Variants in RRM1 observed in about 807,000 individuals in gnomAD.
The protein encoded by RRM1 is ribonucleoside-diphosphate reductase large subunit.
RRM1 carries 19 observed loss-of-function variants against 101.5 expected under a neutral mutation model. The ratio of observed to expected loss-of-function variants is 0.19; its 90% CI spans 0.13 to 0.27. RRM1 has a LOEUF of 0.27. RRM1 is among the 10% of genes least tolerant of loss of function. The pLI is 1.00. For synonymous variants in RRM1, 298 were observed against 323.4 expected (o/e 0.92, Z 0.84); for missense variants, 500 against 962.9 (o/e 0.52, Z 6.36).
At chr11:4,114,472 C>T (rs1208486052) in intron 7 of RRM1, among the ~76,000 whole-genome samples, 1 of 150,990 alleles carries the variant, frequency 6.6e-6, no homozygotes, top group Non-Finnish European at 1.5e-5. Flanking sequence ...ATTGCTTGAA[C>T]CTGGAAGGCG....
chr11:4,107,238 A>G (rs1368623245), intron 3 of RRM1, among the ~76,000 whole-genome samples, 197 bp from the exon 4 acceptor site: 2 of 152,256 alleles, frequency 1.3e-5, no homozygotes, highest in East Asian at 3.8e-4. Context: ...CTTTAACTCT[A>G]GAAGATTGTT....
chr11:4,122,592 G>T (rs536729427), intron 11 of RRM1, among the ~76,000 whole-genome samples: 6 of 152,148 alleles, frequency 3.9e-5, no homozygotes, highest in Non-Finnish European at 8.8e-5. Context: ...AATTAAATAG[G>T]TCAGGTGCAG....
At chr11:4,107,270 A>G (rs1209023583) in intron 3 of RRM1, among the ~76,000 whole-genome samples, 165 bp from the exon 4 acceptor site, 1 of 152,190 alleles carries the variant, frequency 6.6e-6, no homozygotes, top group Non-Finnish European at 1.5e-5. Flanking sequence ...GGCATTACAT[A>G]TTTCTTCAAC....
chr11:4,109,066 A>G (rs2094562037), intron 4 of RRM1, among the ~76,000 whole-genome samples: 1 of 152,148 alleles, frequency 6.6e-6, no homozygotes, highest in African/African-American at 2.4e-5. Flanking sequence ...TATGCTCTAA[A>G]ATCTTACTGT....
chr11:4,114,229 A>G (rs576753713), intron 7 of RRM1, among the ~76,000 whole-genome samples: 3 of 152,204 alleles, frequency 2.0e-5, no homozygotes, highest in South Asian at 2.1e-4. Context: ...GAAAATTGCT[A>G]TGGGTGAGTT....
intron 12 of RRM1, among the ~76,000 whole-genome samples, chr11:4,125,941 T>C (rs955185226): frequency 6.6e-6 from 1 of 152,238 alleles, no homozygotes; most frequent in Non-Finnish European, 1.5e-5. Context: ...GTGAGAGAAG[T>C]TAAGACTTTG....
intron 7 of RRM1, among the ~76,000 whole-genome samples, chr11:4,116,943 G>T (rs1252353636): frequency 6.6e-6 from 1 of 151,392 alleles, no homozygotes; most frequent in Non-Finnish European, 1.5e-5. Flanking sequence ...CTCCAGCCTG[G>T]GTAACAGAGT....
intron 12 of RRM1, among the ~76,000 whole-genome samples, chr11:4,124,696 T>G (rs572961465): frequency 6.6e-6 from 1 of 151,742 alleles, no homozygotes; most frequent in African/African-American, 2.4e-5. Flanking sequence ...GCAGAATTCC[T>G]TTTTTTTCGG....
At position 4,130,634 on chromosome 11, in the gene RRM1, T is replaced by C. The variant is rs531033335; in HGVS notation, c.1769+1484T>C. Among the ~76,000 whole-genome samples, 13 of 152,260 alleles carry C rather than the reference T, an allele frequency of 8.5e-5. No individual in the cohort carries two copies. The East Asian group carries it at 2.5e-3, about 29-fold the overall frequency. ...TCACTTGAACCTAGGAGGTGGAGAT[T>C]ACAGGGAGCCGAGATCATGCCACTG... On this transcript the variant is annotated intron_variant, in intron 15 of 18. Transcript: ENST00000300738.
intron 6 of RRM1, 74 bp downstream of exon 6, chr11:4,111,714 T>C (rs1052531119): frequency 7.4e-7 from 1 of 1,352,486 alleles, no homozygotes; most frequent in Admixed American, 2.0e-5. Flanking sequence ...GCTATAAGTC[T>C]TAATATTCTT....
chr11:4,101,554 T>TCCCCCC (rs1469439658), intron 1 of RRM1, among the ~76,000 whole-genome samples: 8 of 16,228 alleles, frequency 4.9e-4, no homozygotes, highest in Non-Finnish European at 9.2e-4. Context: ...CCTCCAGTGA[T>TCCCCCC]CCACACCCCC....
At chr11:4,112,373 T>G (rs11031000) in intron 7 of RRM1, among the ~76,000 whole-genome samples, 3,290 of 152,270 alleles carry the variant, frequency 0.022, 81 homozygotes, top group African/African-American at 0.064. Context: ...CCTTTTTTTT[T>G]TTGTTGTTGA....
rs149529783 is a variant in RRM1 at position 4,127,375 on chromosome 11, G to A, written c.1692+119G>A. The A allele has an allele frequency of 5.1e-6, 3 of 588,338 alleles. No individual in the cohort carries two copies. The African/African-American group carries it at 5.8e-5, about 11-fold the overall frequency. The allele number at this position is 588,338 out of a possible 1,614,324, so 36.4% of individuals were successfully genotyped here. On this transcript the variant is annotated intron_variant, in intron 14 of 18. Coordinates refer to ENST00000300738, the MANE Select transcript of RRM1 (RefSeq NM_001033.5). ...GGAACCTGTGAATTTAATTTCATTT[G>A]GTTCAAAAAAAGGTATTTTGCAGAT...
At chr11:4,095,149 C>G in intron 1 of RRM1, 118 bp downstream of exon 1, 1 of 1,282,578 alleles carries the variant, frequency 7.8e-7, no homozygotes, top group Non-Finnish European at 1.1e-6. Flanking sequence ...CCGCATTTCC[C>G]GCCGCGGCCT....
At position 4,111,640 on chromosome 11, in the gene RRM1, G is replaced by C; in HGVS notation, c.487G>C (p.Val163Leu). 1.2e-6 allele frequency: 2 copies of C among 1,601,894 alleles called. No homozygotes were observed. Among genetic ancestry groups the C allele is most frequent in the Non-Finnish European group, 1.7e-6 (2 of 1,172,228 alleles). ...TTATTTGTTGAAGATCAATGGAAAA[G>C]GTGAGAAATGAACATGTTTGTCTGT... The part of the protein sequence containing the change: ...RSYLLKINGK[V>L]AERPQHMLMR... Residue 163 changes from valine to leucine, a missense_variant and splice_region_variant, in exon 6 of 19, where the codon GTG becomes CTG. By Grantham distance (32) the Val-to-Leu change is conservative. This residue lies in a region of RRM1 where 111 missense variants were observed against 219.8 expected (regional missense o/e 0.51). Transcript: ENST00000300738.
rs372037658 is a variant in RRM1 at position 4,129,087 on chromosome 11, A to G, written c.1706A>G (p.Asp569Gly). 1 of 1,591,518 alleles carries G rather than the reference A, an allele frequency of 6.3e-7. No individual in the cohort carries two copies. The highest frequency in any genetic ancestry group is 1.4e-5 in the African/African-American group (1 of 73,660). Residue 569 changes from aspartate to glycine, a missense_variant, in exon 15 of 19, where the codon GAT becomes GGT. Around this residue, in one of 9 missense-constraint regions of RRM1, gnomAD observed 106 missense variants for 138.1 expected, o/e 0.77. Transcript: ENST00000300738. ...TGTATTCCTTAGATTCTTCAGTATGATATGTGGAATGTTACTCCTACAGAC... is the reference window on the plus strand; with the variant it reads ...TGTATTCCTTAGATTCTTCAGTATGGTATGTGGAATGTTACTCCTACAGAC... Reference protein sequence around the residue: ...SPVSKGILQYDMWNVTPTDLW... With the variant: ...SPVSKGILQYGMWNVTPTDLW...
rs1040654898 is a variant in RRM1, at chr11:4,097,786, A to T, written c.19+2755A>T. Among the ~76,000 whole-genome samples, 6 of 152,186 alleles carry T rather than the reference A, an allele frequency of 3.9e-5. No homozygotes were observed. The East Asian group carries it at 1.2e-3, about 29-fold the overall frequency. The stretch of plus-strand genomic sequence containing the variant: ...TTTGTTATTTTTAATAACAAGGGCA[A>T]CTGGAAGTTGACTTTGAAGTACCTA... On this transcript the variant is annotated intron_variant, in intron 1 of 18. Transcript: ENST00000300738.
intron 7 of RRM1, among the ~76,000 whole-genome samples, chr11:4,115,111 C>T (rs917205593): frequency 1.3e-4 from 19 of 151,838 alleles, no homozygotes; most frequent in Non-Finnish European, 8.8e-5. Flanking sequence ...CAGTTTTTCC[C>T]AAGTTAAAAT....
chr11:4,112,083 A>G, intron 7 of RRM1, 21 bp downstream of exon 7: 4 of 1,601,468 alleles, frequency 2.5e-6, no homozygotes, highest in Non-Finnish European at 3.4e-6. Flanking sequence ...TGAGTAGGGA[A>G]ATACGCCTTG....
Sources: allele counts gnomAD v4.1 joint callset (sites outside exome capture counted in the v4.1 genomes callset), GRCh38; gene constraint gnomAD v4.1.1; regional missense constraint gnomAD v4.1.1; transcripts MANE v1.5; gene names NCBI Gene and HGNC (gene_info 2026-07-23, HGNC 2026-07-21).